MYMX: variants seen among roughly 807,000 people sequenced by gnomAD.
The protein encoded by MYMX is protein myomixer.
the MYMX span, among the ~76,000 whole-genome samples, chr6:44,211,823 T>TGTGTGTGTGTGTGTGTG: frequency 5.0e-4 from 75 of 150,642 alleles, no homozygotes; most frequent in Middle Eastern, 3.4e-3. Flanking sequence ...TGTGTGTGTG[T>TGTGTGTGTGTGTGTGTG]TTAGTAGAGA....
chr6:44,205,916 G>A, the MYMX span, among the ~76,000 whole-genome samples: 5 of 141,850 alleles, frequency 3.5e-5, no homozygotes, highest in Non-Finnish European at 4.5e-5. Flanking sequence ...GGAGGCAGAG[G>A]TTGCAATGAG....
At chr6:44,207,652 C>T in the MYMX span, among the ~76,000 whole-genome samples, 1 of 151,996 alleles carries the variant, frequency 6.6e-6, no homozygotes, top group Non-Finnish European at 1.5e-5. Context: ...CCTGCCTCAG[C>T]CCCCTGAGTA....
the MYMX span, among the ~76,000 whole-genome samples, chr6:44,196,685 G>A: frequency 1.1e-4 from 17 of 152,184 alleles, no homozygotes; most frequent in South Asian, 2.3e-3. Flanking sequence ...CAGGACGGGC[G>A]CAGTGGTTCA....
At chr6:44,203,718 T>A in the MYMX span, among the ~76,000 whole-genome samples, 1 of 152,038 alleles carries the variant, frequency 6.6e-6, no homozygotes, top group Non-Finnish European at 1.5e-5. Flanking sequence ...GAGTTTGGGG[T>A]CTCTTTTCCT....
At chr6:44,194,845 G>A in the MYMX span, among the ~76,000 whole-genome samples, 97 of 152,200 alleles carry the variant, frequency 6.4e-4, no homozygotes, top group African/African-American at 1.9e-3. Context: ...AGACTGCAGC[G>A]GTTAGGGAGA....
the MYMX span, among the ~76,000 whole-genome samples, chr6:44,206,083 C>A: frequency 6.6e-6 from 1 of 150,512 alleles, no homozygotes; most frequent in Admixed American, 6.7e-5. Flanking sequence ...CTGTCTGGGA[C>A]CTGCTAGCTC....
chr6:44,214,654 CCT>C (rs1023386121), upstream of MYMX, among the ~76,000 whole-genome samples: 15 of 152,300 alleles, frequency 9.8e-5, no homozygotes, highest in African/African-American at 3.6e-4. Context: ...CTCACGGCCA[CCT>C]CTGTCTCCCG....
chr6:44,194,409 C>T, the MYMX span, among the ~76,000 whole-genome samples: 40,391 of 152,028 alleles, frequency 0.27, 5,531 homozygotes, highest in East Asian at 0.41. Flanking sequence ...AGCAGAGCTC[C>T]GCTGGGCACC....
chr6:44,214,098 T>C (rs1021270438), upstream of MYMX, among the ~76,000 whole-genome samples: 3 of 152,184 alleles, frequency 2.0e-5, no homozygotes, highest in Admixed American at 2.0e-4. Flanking sequence ...ATGTGAGCCA[T>C]TGGATAATTT....
chr6:44,202,026 T>C, the MYMX span, among the ~76,000 whole-genome samples: 1 of 152,110 alleles, frequency 6.6e-6, no homozygotes, highest in Admixed American at 6.6e-5. Context: ...GCGGAGGCAG[T>C]GGCCTGTCGC....
chr6:44,199,540 G>C, the MYMX span, among the ~76,000 whole-genome samples: 1 of 151,884 alleles, frequency 6.6e-6, no homozygotes, highest in African/African-American at 2.4e-5. Flanking sequence ...GGTTATTCTT[G>C]GTCTTTTTTT....
chr6:44,208,458 T>G, the MYMX span, among the ~76,000 whole-genome samples: 1 of 152,050 alleles, frequency 6.6e-6, no homozygotes, highest in Admixed American at 6.6e-5. Flanking sequence ...TCCACCTTCT[T>G]ATACTCCTGT....
the MYMX span, among the ~76,000 whole-genome samples, chr6:44,205,235 T>TG: frequency 0.015 from 2,322 of 151,334 alleles, 46 homozygotes; most frequent in African/African-American, 0.053. Context: ...CATCGTTCTT[T>TG]GAAAAAAAAA....
the MYMX span, among the ~76,000 whole-genome samples, chr6:44,209,606 G>T: frequency 2.0e-5 from 3 of 152,050 alleles, no homozygotes; most frequent in Non-Finnish European, 4.4e-5. Context: ...ATGTAAGTAG[G>T]ATAAAAGTTT....
chr6:44,196,069 A>G, the MYMX span, among the ~76,000 whole-genome samples: 1 of 152,066 alleles, frequency 6.6e-6, no homozygotes, highest in Admixed American at 6.6e-5. Flanking sequence ...CAGCCTCCTG[A>G]GTAGCTGGAA....
the MYMX span, among the ~76,000 whole-genome samples, chr6:44,204,320 T>G: frequency 1.3e-5 from 2 of 152,098 alleles, no homozygotes; most frequent in African/African-American, 2.4e-5. Flanking sequence ...TTGGGTAATA[T>G]TTGAGCAAAG....
chr6:44,206,006 A>C, the MYMX span, among the ~76,000 whole-genome samples: 53 of 148,034 alleles, frequency 3.6e-4, 1 homozygote, highest in Non-Finnish European at 3.0e-4. Flanking sequence ...AACAAAAAAA[A>C]ACCTCATTTT....
intron 1 of MYMX, 26 bp from the exon 2 acceptor site, chr6:44,217,424 G>A (rs1775939739): frequency 5.0e-6 from 2 of 399,170 alleles, no homozygotes; most frequent in African/African-American, 4.1e-5. Context: ...GGACATGCAA[G>A]CCTAAAGTCT....
chr6:44,205,978 T>TAAA, the MYMX span, among the ~76,000 whole-genome samples: 3 of 28,342 alleles, frequency 1.1e-4, no homozygotes, highest in Non-Finnish European at 2.2e-4. Flanking sequence ...AGACCCTTTC[T>TAAA]CAAAAAAAAA....
Sources: allele counts gnomAD v4.1 joint callset (sites outside exome capture counted in the v4.1 genomes callset), GRCh38; gene constraint gnomAD v4.1.1; transcripts MANE v1.5; gene names NCBI Gene and HGNC (gene_info 2026-07-23, HGNC 2026-07-21).